The following RNLS variants were observed in gnomAD, a reference collection of about 807,000 sequenced individuals.
RNLS encodes the protein renalase, FAD dependent amine oxidase.
In RNLS, 39 loss-of-function variants were observed where a neutral mutation model predicts 39.8. That is an observed-to-expected ratio of 0.98 (90% CI 0.76 to 1.28). The LOEUF is 1.28. Among genes scored for constraint, RNLS ranks in the 50% most tolerant of loss-of-function variants. RNLS has a pLI of 0.00. For missense variants in RNLS, 410 were observed against 413.3 expected (o/e 0.99, Z 0.07); for synonymous variants, 147 against 150.7 (o/e 0.98, Z 0.18).
At position 88,341,058 on chromosome 10, in the gene RNLS, C is replaced by CA. The variant is rs58277887; in HGVS notation, c.700+21493dup. Among the ~76,000 whole-genome samples the CA allele has an allele frequency of 3.3e-3, 426 of 128,456 alleles. 7 individuals are homozygous for CA. The highest frequency in any genetic ancestry group is 8.6e-3 in the African/African-American group (296 of 34,270). The allele number at this position is 128,456 out of a possible 152,430, so 84.3% of individuals were successfully genotyped here. ...GGGGTAACAGAGCAAGATTCTGTCT[C>CA]AAAAAAAAAAAAACAAAAAACAGCA... On this transcript the variant is annotated intron_variant, in intron 5 of 6. Coordinates refer to ENST00000331772, the MANE Select transcript of RNLS (RefSeq NM_001031709.3).
At chr10:88,552,797 G>A (rs2134344771) in intron 4 of RNLS, among the ~76,000 whole-genome samples, 1 of 151,988 alleles carries the variant, frequency 6.6e-6, no homozygotes. Flanking sequence ...TATGCTATAT[G>A]GAAAAAATCT....
the RNLS span, among the ~76,000 whole-genome samples, chr10:88,172,364 G>A: frequency 1.3e-5 from 2 of 152,052 alleles, no homozygotes; most frequent in Non-Finnish European, 2.9e-5. Flanking sequence ...CTTGTAATAA[G>A]CACTGTCACT....
chr10:88,420,653 C>A (rs1262767341), intron 4 of RNLS, among the ~76,000 whole-genome samples: 1 of 152,138 alleles, frequency 6.6e-6, no homozygotes, highest in Non-Finnish European at 1.5e-5. Flanking sequence ...TCCAGAATGA[C>A]CCTCATCTCA....
At chr10:88,554,718 T>A (rs74147223) in intron 4 of RNLS, among the ~76,000 whole-genome samples, 3,688 of 152,186 alleles carry the variant, frequency 0.024, 138 homozygotes, top group South Asian at 0.076. Flanking sequence ...AACTGTCTGG[T>A]TCCCATCTGA....
intron 4 of RNLS, among the ~76,000 whole-genome samples, chr10:88,534,802 C>T (rs1847643617): frequency 6.6e-6 from 1 of 152,070 alleles, no homozygotes; most frequent in South Asian, 2.1e-4. Context: ...GAGATGAGAC[C>T]TTGAAATAAA....
intron 6 of RNLS, among the ~76,000 whole-genome samples, chr10:88,308,430 T>C (rs1845095335): frequency 7.8e-6 from 1 of 127,540 alleles, no homozygotes; most frequent in Non-Finnish European, 1.8e-5. Context: ...ACTTAACAAA[T>C]TTACAAAAAA....
the RNLS span, among the ~76,000 whole-genome samples, chr10:88,183,003 C>G: frequency 2.0e-5 from 3 of 152,072 alleles, no homozygotes; most frequent in Non-Finnish European, 4.4e-5. Context: ...CTTCAGCTTA[C>G]TCATCTGTAA....
At chr10:88,305,112 A>G (rs1225494977) in intron 6 of RNLS, among the ~76,000 whole-genome samples, 1 of 152,072 alleles carries the variant, frequency 6.6e-6, no homozygotes, top group African/African-American at 2.4e-5. Flanking sequence ...AAGCTTAAAG[A>G]AGAAGAAGAA....
intron 4 of RNLS, among the ~76,000 whole-genome samples, chr10:88,408,087 T>C (rs949210437): frequency 2.0e-5 from 3 of 152,148 alleles, no homozygotes; most frequent in Non-Finnish European, 4.4e-5. Context: ...AATTATTAAA[T>C]GTGTTTAAAC....
At chr10:88,444,827 G>T (rs552498381) in intron 4 of RNLS, among the ~76,000 whole-genome samples, 1 of 152,320 alleles carries the variant, frequency 6.6e-6, no homozygotes, top group Admixed American at 6.5e-5. Context: ...TATGTGAAAA[G>T]ACCAAATCTA....
At chr10:88,254,028 G>A in the RNLS span, among the ~76,000 whole-genome samples, 1 of 152,202 alleles carries the variant, frequency 6.6e-6, no homozygotes, top group East Asian at 1.9e-4. Context: ...CTTTAAAAGT[G>A]AGTTTAGTTA....
chr10:88,417,547 G>A (rs939922155), intron 4 of RNLS, among the ~76,000 whole-genome samples: 1 of 152,154 alleles, frequency 6.6e-6, no homozygotes, highest in East Asian at 1.9e-4. Context: ...CAGTGTGAAA[G>A]ATAATACAGC....
At chr10:88,427,632 T>G (rs965498494) in intron 4 of RNLS, among the ~76,000 whole-genome samples, 28 of 151,924 alleles carry the variant, frequency 1.8e-4, no homozygotes, top group Admixed American at 1.8e-3. Flanking sequence ...TGAATTCTGG[T>G]GGCCAAATAA....
At chr10:88,519,812 C>T (rs969626237) in intron 4 of RNLS, among the ~76,000 whole-genome samples, 1 of 150,578 alleles carries the variant, frequency 6.6e-6, no homozygotes, top group African/African-American at 2.4e-5. Flanking sequence ...TCCCCCATAT[C>T]CATGATGTCT....
At chr10:88,365,515 T>A (rs957893008) in intron 4 of RNLS, among the ~76,000 whole-genome samples, 10 of 78,222 alleles carry the variant, frequency 1.3e-4, no homozygotes, top group African/African-American at 4.4e-4. Context: ...TAGGATTATA[T>A]AACACACACA....
At chr10:88,253,738 A>G in the RNLS span, among the ~76,000 whole-genome samples, 3 of 152,168 alleles carry the variant, frequency 2.0e-5, no homozygotes, top group Admixed American at 2.0e-4. Flanking sequence ...CTTAGTATCC[A>G]CACACTGTGA....
intron 4 of RNLS, among the ~76,000 whole-genome samples, chr10:88,421,576 T>A (rs990478511): frequency 6.6e-6 from 1 of 152,198 alleles, no homozygotes; most frequent in Non-Finnish European, 1.5e-5. Context: ...TCTAATTAGA[T>A]CACCTGCCTC....
intron 5 of RNLS, among the ~76,000 whole-genome samples, chr10:88,350,280 G>A (rs537386322): frequency 2.6e-5 from 4 of 151,208 alleles, no homozygotes; most frequent in East Asian, 1.9e-4. Context: ...TGTGCACAAC[G>A]TGCAGGTTTG....
chr10:88,516,797 G>A (rs569501187), intron 4 of RNLS, among the ~76,000 whole-genome samples: 91 of 152,018 alleles, frequency 6.0e-4, no homozygotes, highest in South Asian at 1.5e-3. Context: ...GTAGTCATAT[G>A]TTTCATCTCT....
Sources: gnomAD v4.1 joint callset for allele counts (sites outside exome capture counted in the v4.1 genomes callset) on GRCh38, gnomAD v4.1.1 for gene constraint, MANE v1.5 for transcripts, NCBI Gene and HGNC (gene_info 2026-07-23, HGNC 2026-07-21) for gene names.